The following ATP9B variants were observed in gnomAD, a reference collection of about 807,000 sequenced individuals.
The protein encoded by ATP9B is probable phospholipid-transporting ATPase IIB.
ATP9B carries 110 observed loss-of-function variants against 146.1 expected under a neutral mutation model. That is an observed-to-expected ratio of 0.75 (90% confidence interval 0.65 to 0.88). The LOEUF is 0.88. Ranked by LOEUF, ATP9B falls within the 40% of genes least tolerant of loss-of-function variation. ATP9B has a pLI of 0.00. For synonymous variants in ATP9B, 604 were observed against 569.7 expected (o/e 1.06, Z -0.86); for missense variants, 1,499 against 1,496.4 (o/e 1.00, Z -0.03).
intron 18 of ATP9B, among the ~76,000 whole-genome samples, 199 bp from the exon 19 acceptor site, chr18:79,337,080 T>C (rs1466948896): frequency 6.7e-6 from 1 of 149,488 alleles, no homozygotes; most frequent in East Asian, 2.0e-4. Context: ...ACGGAGCACG[T>C]ACACGTGTGC....
intron 11 of ATP9B, among the ~76,000 whole-genome samples, chr18:79,225,913 G>A (rs12605383): frequency 0.45 from 25,482 of 56,730 alleles, 9,245 homozygotes; most frequent in South Asian, 0.8. Context: ...GTTGCAGGGC[G>A]GCCACTGTCT....
At chr18:79,170,746 ATG>A (rs1198120971) in intron 7 of ATP9B, among the ~76,000 whole-genome samples, 1 of 152,168 alleles carries the variant, frequency 6.6e-6, no homozygotes, top group Non-Finnish European at 1.5e-5. Context: ...TCTCTCCTGC[ATG>A]TCAGATTAGT....
chr18:79,271,756 T>C (rs1027537225), intron 12 of ATP9B, among the ~76,000 whole-genome samples: 7 of 152,204 alleles, frequency 4.6e-5, no homozygotes, highest in African/African-American at 1.7e-4. Context: ...ATATACCCAG[T>C]AATGGGATGG....
At chr18:79,359,236 G>A (rs2096972489) in intron 25 of ATP9B, 118 bp from the exon 26 acceptor site, 1 of 694,168 alleles carries the variant, frequency 1.4e-6, no homozygotes, top group South Asian at 2.0e-5. Context: ...TTACTTTGTT[G>A]GTTTTTGTGG....
chr18:79,194,270 A>C (rs1300158861), intron 9 of ATP9B: 4 of 152,254 alleles, frequency 2.6e-5, no homozygotes, highest in Non-Finnish European at 5.9e-5. Flanking sequence ...ACCCTTGGTA[A>C]GATAAATGAA....
intron 9 of ATP9B, among the ~76,000 whole-genome samples, chr18:79,197,944 T>C (rs1343179206): frequency 6.6e-6 from 1 of 152,232 alleles, no homozygotes; most frequent in African/African-American, 2.4e-5. Flanking sequence ...TTATTAAGAC[T>C]ATAGAATATT....
intron 2 of ATP9B, among the ~76,000 whole-genome samples, chr18:79,105,080 C>T (rs2075565160): frequency 1.3e-5 from 2 of 152,116 alleles, no homozygotes; most frequent in Non-Finnish European, 2.9e-5. Flanking sequence ...TGAGAAGCGA[C>T]CTGAGGTATT....
chr18:79,169,520 G>C (rs947292688), intron 7 of ATP9B, among the ~76,000 whole-genome samples: 2 of 152,140 alleles, frequency 1.3e-5, no homozygotes, highest in Non-Finnish European at 2.9e-5. Flanking sequence ...GCGTTCCCAC[G>C]GAGTGTTTTT....
intron 12 of ATP9B, 160 bp downstream of exon 12, chr18:79,253,701 G>A: frequency 1.3e-6 from 1 of 755,064 alleles, no homozygotes; most frequent in Non-Finnish European, 2.0e-6. Flanking sequence ...TGGAAATGTT[G>A]TTGGGGGAGA....
At chr18:79,359,798 G>A (rs1291891111) in intron 26 of ATP9B, 3 of 268,226 alleles carry the variant, frequency 1.1e-5, no homozygotes, top group African/African-American at 2.2e-5. Context: ...AGATCTCACT[G>A]TGTAATTTCT....
chr18:79,079,658 C>T (rs540184674), intron 1 of ATP9B, among the ~76,000 whole-genome samples: 26 of 152,274 alleles, frequency 1.7e-4, no homozygotes, highest in African/African-American at 5.5e-4. Flanking sequence ...TAATTAGATC[C>T]CATTTGTCAA....
At chr18:79,261,225 C>T (rs547404215) in intron 12 of ATP9B, among the ~76,000 whole-genome samples, 13 of 152,204 alleles carry the variant, frequency 8.5e-5, no homozygotes, top group Middle Eastern at 3.4e-3. Flanking sequence ...TTTGCGAGTG[C>T]TAGAGGGTGG....
chr18:79,346,573 C>T (rs371205971), intron 23 of ATP9B, among the ~76,000 whole-genome samples: 5 of 109,782 alleles, frequency 4.6e-5, no homozygotes, highest in African/African-American at 1.0e-4. Flanking sequence ...CACGTCAGCA[C>T]GTGCTCAGCG....
At chr18:79,321,850 AG>A (rs2096718002) in intron 15 of ATP9B, among the ~76,000 whole-genome samples, 1 of 152,244 alleles carries the variant, frequency 6.6e-6, no homozygotes, top group South Asian at 2.1e-4. Flanking sequence ...TCCTGACTGC[AG>A]TGGGGCACCA....
chr18:79,151,870 C>G (rs977853817), intron 6 of ATP9B, among the ~76,000 whole-genome samples: 4 of 152,138 alleles, frequency 2.6e-5, no homozygotes, highest in Non-Finnish European at 5.9e-5. Context: ...TATCCCTCCC[C>G]TAAACCCAGA....
At chr18:79,347,545 C>A (rs1415703430) in intron 23 of ATP9B, among the ~76,000 whole-genome samples, 1 of 152,248 alleles carries the variant, frequency 6.6e-6, no homozygotes, top group Non-Finnish European at 1.5e-5. Context: ...CAGAGCCGAG[C>A]TCTCCTGAAG....
chr18:79,111,342 TTAATTTAAA>T (rs2075991977), intron 3 of ATP9B, among the ~76,000 whole-genome samples: 1 of 152,172 alleles, frequency 6.6e-6, no homozygotes, highest in Non-Finnish European at 1.5e-5. Flanking sequence ...TCTTGTATAT[TTAATTTAAA>T]TAATCATGCT....
chr18:79,144,593 T>C (rs2094554612), intron 6 of ATP9B, among the ~76,000 whole-genome samples: 1 of 152,292 alleles, frequency 6.6e-6, no homozygotes. Context: ...TGCCCTCCCC[T>C]CCCCTCCTGC....
intron 11 of ATP9B, among the ~76,000 whole-genome samples, chr18:79,231,803 T>TATATATATATATATACACACAC (rs569726473): frequency 2.4e-4 from 28 of 114,758 alleles, no homozygotes; most frequent in African/African-American, 8.8e-4. Context: ...TATATATATA[T>TATATATATATATATACACACAC]ACACACACAC....
Sources: gnomAD v4.1 joint callset for allele counts (sites outside exome capture counted in the v4.1 genomes callset) on GRCh38, gnomAD v4.1.1 for gene constraint, MANE v1.5 for transcripts, NCBI Gene and HGNC (gene_info 2026-07-23, HGNC 2026-07-21) for gene names.